The following AP2A1 variants were observed in gnomAD, a reference collection of about 807,000 sequenced individuals.
AP2A1 encodes the protein adaptor related protein complex 2 subunit alpha 1, also known as AP-2 complex subunit alpha-1.
A neutral mutation model predicts 107.3 loss-of-function variants in AP2A1; 21 were observed. That is an observed-to-expected ratio of 0.20 (90% CI 0.14 to 0.28). The LOEUF is 0.28. Among genes scored for constraint, AP2A1 ranks in the 10% least tolerant of loss-of-function variants. The probability of loss-of-function intolerance (pLI) is 1.00; values close to 1 mark genes in which losing one functional copy is unlikely to be tolerated. For synonymous variants in AP2A1, 602 were observed against 564.8 expected (o/e 1.07, Z -0.93); for missense variants, 873 against 1,307.7 (o/e 0.67, Z 5.13).
chr19:49,786,497 G>T (rs571173311), intron 4 of AP2A1, among the ~76,000 whole-genome samples: 1 of 152,314 alleles, frequency 6.6e-6, no homozygotes, highest in South Asian at 2.1e-4. Flanking sequence ...AGTTAAGCTC[G>T]GGCCTGGTGA....
chr19:49,794,911 C>T (rs2073192758), intron 6 of AP2A1, among the ~76,000 whole-genome samples: 1 of 152,188 alleles, frequency 6.6e-6, no homozygotes, highest in Non-Finnish European at 1.5e-5. Context: ...GATCCACCCA[C>T]CTTGGCCTCC....
At position 49,801,127 on chromosome 19, in the gene AP2A1, C is replaced by A. The variant is rs2073273560; in HGVS notation, c.1553+69C>A. On this transcript the variant is annotated intron_variant, in intron 12 of 22. Transcript: ENST00000354293. ...AGGGGTCCAGGGCTTGGGGGATCCC[C>A]AGGGGTCTCAGGGCAGGCAGTGATG... 2.1e-6 allele frequency: 3 copies of A among 1,408,098 alleles called. No homozygotes were observed. In the East Asian group the frequency reaches 7.5e-5, roughly 35 times the overall value. 87.2% of individuals were successfully genotyped at this position (1,408,098 alleles called of 1,614,324 possible).
rs763541257 is a variant in AP2A1, at chr19:49,788,247, C to T, written c.474-3688C>T. Among the ~76,000 whole-genome samples the T allele has an allele frequency of 4.6e-5, 7 of 152,198 alleles. No individual in the cohort carries two copies. Among genetic ancestry groups the T allele is most frequent in the Non-Finnish European group, 1.0e-4 (7 of 68,040 alleles). ...TACAGGCGTGAGCCACCGCGCCTGA[C>T]TTGTGGTTTTATTTTTTATACTTGA... On this transcript the variant is annotated intron_variant, in intron 4 of 22. Transcript: ENST00000354293. The surrounding 1 kb of genome is among the most constrained non-coding windows in gnomAD (Gnocchi z 4.5).
chr19:49,775,545 C>T (rs2084609001), intron 1 of AP2A1, among the ~76,000 whole-genome samples: 1 of 152,130 alleles, frequency 6.6e-6, no homozygotes, highest in Admixed American at 6.5e-5. Context: ...AAACTCCTGA[C>T]CTCAAGTGAT....
In AP2A1 at chr19:49,807,037, C is replaced by CCCCT; in HGVS notation, c.*279_*280insCCCT. 1 of 1,529,616 alleles carries CCCCT rather than the reference C, an allele frequency of 6.5e-7. No homozygotes were observed. The highest frequency in any genetic ancestry group is 8.8e-7 in the Non-Finnish European group (1 of 1,140,530). The allele number at this position is 1,529,616 out of a possible 1,614,324, so 94.8% of individuals were successfully genotyped here. On this transcript the variant is annotated 3_prime_UTR_variant, in exon 23 of 23. Transcript: ENST00000354293. ...ATGTCTCCTCCCCTCCCACCCCACC[C>CCCCT]TGTTGTAGCCCCTCCTACCCCCTCC...
At chr19:49,771,881 C>G (rs2084561901) in intron 1 of AP2A1, among the ~76,000 whole-genome samples, 1 of 152,006 alleles carries the variant, frequency 6.6e-6, no homozygotes, top group African/African-American at 2.4e-5. Flanking sequence ...GGGGAGTTAC[C>G]TAGGCTGAGG....
intron 13 of AP2A1, 43 bp from the exon 14 acceptor site, chr19:49,801,676 CCCT>C (rs751200964): frequency 3.3e-6 from 5 of 1,530,520 alleles, no homozygotes; most frequent in African/African-American, 1.4e-5. Flanking sequence ...TCCCGCCCTC[CCCT>C]CCTCCTGACC....
rs2084692257 is a variant in AP2A1, at chr19:49,782,709, G to A, written c.458G>A (p.Arg153His). The stretch of plus-strand genomic sequence containing the variant: ...GAGGCCTTTGCCGCTGACATCCCCC[G>A]CATCCTGGTGGCCGGGTAAGGCACT... The part of the protein sequence containing the change: ...MGEAFAADIP[R>H]ILVAGDSMDS... The change falls in exon 4 of 23, where the codon CGC (arginine) becomes CAC (histidine). Residue 153 changes from arginine (R) to histidine (H), a missense_variant. Around this residue, in one of 4 missense-constraint regions of AP2A1, gnomAD observed 157 missense variants for 212.6 expected, o/e 0.74. Coordinates refer to ENST00000354293, the MANE Select transcript of AP2A1 (RefSeq NM_130787.3). The A allele has an allele frequency of 6.2e-6, 10 of 1,603,942 alleles. No individual in the cohort carries two copies. The highest frequency in any genetic ancestry group is 2.7e-5 in the African/African-American group (2 of 74,722).
In AP2A1 at chr19:49,798,890, G is replaced by A; in HGVS notation, c.903G>A (p.Gln301=). Residue 301 remains glutamine (Q), a synonymous_variant, in exon 8 of 23, where the codon CAG becomes CAA. Transcript: ENST00000354293. ...AQEPPKSKKV[Q]HSNAKNAILF... ...AGCCCCCCAAATCCAAGAAGGTGCA[G>A]CATTCCAACGCCAAGAACGCCATCC... 2 of 1,576,036 alleles carry A rather than the reference G, an allele frequency of 1.3e-6. No homozygotes were observed. Among genetic ancestry groups the A allele is most frequent in the Non-Finnish European group, 1.7e-6 (2 of 1,161,042 alleles).
At chr19:49,800,920 C>T in intron 11 of AP2A1, 41 bp from the exon 12 acceptor site, 1 of 1,517,124 alleles carries the variant, frequency 6.6e-7, no homozygotes, top group Non-Finnish European at 9.0e-7. Flanking sequence ...GGAGAGGGCG[C>T]TCATTGTTGT....
intron 4 of AP2A1, among the ~76,000 whole-genome samples, chr19:49,791,194 C>T (rs2073138104): frequency 6.6e-6 from 1 of 152,210 alleles, no homozygotes; most frequent in Non-Finnish European, 1.5e-5. Flanking sequence ...TTCAGTCTTT[C>T]CTCCTTAAGT....
chr19:49,805,967 G>A (rs777676772), intron 21 of AP2A1, 26 bp downstream of exon 21: 10 of 1,613,558 alleles, frequency 6.2e-6, no homozygotes, highest in Admixed American at 1.7e-5. Context: ...CGTGTTTGCC[G>A]GCCTATGGCT....
In AP2A1 at chr19:49,805,704, A is replaced by G. The variant is rs746968213; in HGVS notation, c.2512A>G (p.Thr838Ala). Residue 838 changes from threonine to alanine, a missense_variant, in exon 20 of 23, where the codon ACC (threonine) becomes GCC (alanine). Around this residue, in one of 4 missense-constraint regions of AP2A1, gnomAD observed 416 missense variants for 473.4 expected, o/e 0.88. Coordinates refer to ENST00000354293, the MANE Select transcript of AP2A1 (RefSeq NM_130787.3). Reference sequence around the variant, plus strand: ...GGCCCTCACCCTGAAGCTCCCAGTGACCATCAACAAGTTCTTCCAGCCCAC... The same window carrying G: ...GGCCCTCACCCTGAAGCTCCCAGTGGCCATCAACAAGTTCTTCCAGCCCAC... ...PQALTLKLPV[T>A]INKFFQPTEM... is the part of the protein sequence containing the mutation. 6 of 1,570,072 alleles carry G rather than the reference A, an allele frequency of 3.8e-6. No homozygotes were observed. The highest frequency in any genetic ancestry group is 4.3e-6 in the Non-Finnish European group (5 of 1,158,974).
chr19:49,801,393 C>G lies in AP2A1; in HGVS notation c.1557C>G (p.Pro519=). The change falls in exon 13 of 23, where the codon CCC becomes CCG. Residue 519 remains proline (P), a synonymous_variant. Coordinates refer to ENST00000354293, the MANE Select transcript of AP2A1 (RefSeq NM_130787.3). The part of the protein sequence containing the change: ...NLIAGDPRSS[P]PVQFSLLHSK... The stretch of plus-strand genomic sequence containing the variant: ...TGACACCCACTCCTGCACACAGCCC[C>G]CCAGTGCAGTTCTCCCTGCTCCACT... 6.2e-7 allele frequency: 1 copy of G among 1,613,174 alleles called. No individual in the cohort carries two copies. The highest frequency in any genetic ancestry group is 1.1e-5 in the South Asian group (1 of 91,080).
chr19:49,791,786 A>T, intron 4 of AP2A1, 149 bp from the exon 5 acceptor site: 1 of 964,474 alleles, frequency 1.0e-6, no homozygotes, highest in Non-Finnish European at 1.5e-6. Flanking sequence ...CCGTGAGGTC[A>T]GCGCCAGACT....
chr19:49,795,524 C>T (rs1174812234), intron 6 of AP2A1, 106 bp from the exon 7 acceptor site: 1 of 740,490 alleles, frequency 1.4e-6, no homozygotes, highest in Non-Finnish European at 2.3e-6. Flanking sequence ...ACCATTAACA[C>T]TGACAGCACT....
rs143746754 is a variant in AP2A1 at position 49,800,267 on chromosome 19, G to A, written c.1455+117G>A. 6.7e-3 allele frequency: 8,503 copies of A among 1,275,760 alleles called. 45 individuals carry two copies. The highest frequency in any genetic ancestry group is 0.011 in the South Asian group (753 of 67,572). The allele number at this position is 1,275,760 out of a possible 1,614,324, so 79.0% of individuals were successfully genotyped here. ...GCCACCCTCCTTCTCCTGCACTGCC[G>A]TGACCTCAAAATGGGGCCTCTGCCT... On this transcript the variant is annotated intron_variant, in intron 11 of 22. Coordinates refer to ENST00000354293, the MANE Select transcript of AP2A1 (RefSeq NM_130787.3).
At chr19:49,802,224 G>GCCCCTC in intron 15 of AP2A1, 83 bp downstream of exon 15, 5 of 1,137,318 alleles carry the variant, frequency 4.4e-6, no homozygotes, top group Non-Finnish European at 5.1e-6. Context: ...TTTTCCCTGA[G>GCCCCTC]CCCCTCCCCC....
At chr19:49,786,694 C>T (rs889894849) in intron 4 of AP2A1, among the ~76,000 whole-genome samples, 2 of 152,164 alleles carry the variant, frequency 1.3e-5, no homozygotes, top group Non-Finnish European at 1.5e-5. Flanking sequence ...AGTGGCCAGT[C>T]GCAAATGCTG....
Sources: allele counts gnomAD v4.1 joint callset (sites outside exome capture counted in the v4.1 genomes callset), GRCh38; gene constraint gnomAD v4.1.1; regional missense constraint gnomAD v4.1.1; non-coding constraint Gnocchi (gnomAD v3.1); transcripts MANE v1.5; gene names NCBI Gene and HGNC (gene_info 2026-07-23, HGNC 2026-07-21).